The following GALNT13 variants were observed in gnomAD, a reference collection of about 807,000 sequenced individuals.
GALNT13 encodes the protein UDP-GalNAc:polypeptide N-acetylgalactosaminyltransferase 13.
Under a neutral mutation model 64.2 loss-of-function variants are expected in GALNT13, and 28 were observed. The observed-to-expected ratio is 0.44, with a 90% CI of 0.32 to 0.60. The LOEUF (loss-of-function observed/expected upper bound fraction) is 0.60, where lower values mean the gene tolerates loss of function less well. Ranked by LOEUF, GALNT13 falls within the 20% of genes least tolerant of loss-of-function variation. The pLI is 0.05. For missense variants in GALNT13, 577 were observed against 669.8 expected (o/e 0.86, Z 1.53); for synonymous variants, 214 against 224.6 (o/e 0.95, Z 0.42).
chr2:154,287,309 G>A, intron 8 of GALNT13: 2 of 655,064 alleles, frequency 3.1e-6, no homozygotes, highest in Admixed American at 2.0e-5. Flanking sequence ...GGCGGGGACA[G>A]TCTGATTGAG....
the GALNT13 span, among the ~76,000 whole-genome samples, chr2:153,858,061 A>T: frequency 2.4e-3 from 365 of 152,336 alleles, 3 homozygotes; most frequent in Non-Finnish European, 4.5e-3. Context: ...ATAACCACGG[A>T]GGAAAATCAA....
the GALNT13 span, among the ~76,000 whole-genome samples, chr2:153,251,202 A>G: frequency 6.6e-6 from 1 of 152,208 alleles, no homozygotes; most frequent in Non-Finnish European, 1.5e-5. Context: ...GTGTAAATGT[A>G]TTACTGGTAT....
the GALNT13 span, among the ~76,000 whole-genome samples, chr2:153,120,620 A>G: frequency 6.4e-4 from 98 of 152,340 alleles, no homozygotes; most frequent in Non-Finnish European, 9.7e-4. Context: ...TTTAGTTGGA[A>G]TTTTACTGCC....
At position 154,453,533 on chromosome 2, in the gene GALNT13, C is replaced by A. The variant is rs1701953264; in HGVS notation, c.*2982C>A. The A allele has an allele frequency of 6.6e-6, 1 of 152,074 alleles. No homozygotes were observed. The highest frequency in any genetic ancestry group is 2.4e-5 in the African/African-American group (1 of 41,414). 9.4% of individuals were successfully genotyped at this position (152,074 alleles called of 1,614,324 possible). On this transcript the variant is annotated 3_prime_UTR_variant, in exon 13 of 13. Transcript: ENST00000392825. ...TTCAAATATTATCTTATCAGTAAGA[C>A]AAACCCTTCTCCCATCTGCCTTCCC... is the stretch of plus-strand genomic sequence containing the variant.
chr2:154,390,231 AT>A (rs1269802653), intron 9 of GALNT13, among the ~76,000 whole-genome samples: 1 of 152,242 alleles, frequency 6.6e-6, no homozygotes, highest in South Asian at 2.1e-4. Flanking sequence ...TAAAAGACAG[AT>A]TTTTTTATAC....
the GALNT13 span, among the ~76,000 whole-genome samples, chr2:153,171,486 A>C: frequency 2.6e-5 from 4 of 152,250 alleles, no homozygotes; most frequent in Non-Finnish European, 5.9e-5. Context: ...ACAAAAAAAA[A>C]GTGACAAGTG....
At chr2:153,081,204 C>CTA in the GALNT13 span, among the ~76,000 whole-genome samples, 1 of 151,630 alleles carries the variant, frequency 6.6e-6, no homozygotes, top group Admixed American at 6.6e-5. Context: ...ATCTCCTTTT[C>CTA]TATTATTTAC....
At chr2:154,104,284 G>C (rs1358975259) in intron 3 of GALNT13, among the ~76,000 whole-genome samples, 1 of 152,114 alleles carries the variant, frequency 6.6e-6, no homozygotes, top group Non-Finnish European at 1.5e-5. Context: ...TCTTCAGTCA[G>C]TCCAAAACAG....
At chr2:154,330,385 C>T (rs900009901) in intron 9 of GALNT13, among the ~76,000 whole-genome samples, 2 of 152,082 alleles carry the variant, frequency 1.3e-5, no homozygotes, top group Admixed American at 6.6e-5. Flanking sequence ...AGCCAGGGAA[C>T]GAGAGAACCA....
At chr2:154,417,509 A>ATTTTTTTT (rs1202687837) in intron 11 of GALNT13, among the ~76,000 whole-genome samples, 41 of 133,472 alleles carry the variant, frequency 3.1e-4, no homozygotes, top group East Asian at 7.2e-4. Context: ...TTATTTATTT[A>ATTTTTTTT]TTTATTTATT....
At chr2:154,221,402 T>G (rs1313770896) in intron 4 of GALNT13, among the ~76,000 whole-genome samples, 2 of 152,116 alleles carry the variant, frequency 1.3e-5, no homozygotes, top group Non-Finnish European at 2.9e-5. Flanking sequence ...AATAACTCCT[T>G]GACTTAGTAA....
At chr2:153,602,456 AC>A in the GALNT13 span, among the ~76,000 whole-genome samples, 1 of 151,402 alleles carries the variant, frequency 6.6e-6, no homozygotes, top group African/African-American at 2.4e-5. Flanking sequence ...TAACTAGGAG[AC>A]CATATAATAC....
At chr2:153,507,983 C>T in the GALNT13 span, among the ~76,000 whole-genome samples, 4 of 152,076 alleles carry the variant, frequency 2.6e-5, no homozygotes, top group South Asian at 2.1e-4. Flanking sequence ...GCTCTGGGTT[C>T]GTACTGGGGA....
At chr2:153,689,318 C>G in the GALNT13 span, among the ~76,000 whole-genome samples, 1 of 151,908 alleles carries the variant, frequency 6.6e-6, no homozygotes, top group African/African-American at 2.4e-5. Context: ...TTGTCATATA[C>G]TAGGCTATTT....
the GALNT13 span, among the ~76,000 whole-genome samples, chr2:153,665,136 G>A: frequency 6.6e-6 from 1 of 152,144 alleles, no homozygotes; most frequent in South Asian, 2.1e-4. Context: ...CACTTTCAAT[G>A]GGGACTAAGA....
the GALNT13 span, among the ~76,000 whole-genome samples, chr2:153,435,309 A>G: frequency 2.4e-4 from 36 of 152,118 alleles, no homozygotes; most frequent in Admixed American, 3.9e-4. Context: ...TTGGCGATGC[A>G]GGCTCTTTTT....
intron 3 of GALNT13, among the ~76,000 whole-genome samples, chr2:154,091,230 A>G (rs1701791034): frequency 6.6e-6 from 1 of 152,012 alleles, no homozygotes; most frequent in African/African-American, 2.4e-5. Flanking sequence ...GGATTATGTT[A>G]TGTTGTAAAA....
At chr2:153,467,448 C>T in the GALNT13 span, among the ~76,000 whole-genome samples, 4,348 of 152,136 alleles carry the variant, frequency 0.029, 92 homozygotes, top group Middle Eastern at 0.071. Flanking sequence ...TCCTTACTGT[C>T]CATCCTTCAC....
At chr2:153,505,124 A>G in the GALNT13 span, among the ~76,000 whole-genome samples, 1 of 152,174 alleles carries the variant, frequency 6.6e-6, no homozygotes, top group Admixed American at 6.5e-5. Context: ...GTATATTTCC[A>G]GGAATCTGTC....
Sources: allele counts gnomAD v4.1 joint callset (sites outside exome capture counted in the v4.1 genomes callset), GRCh38; gene constraint gnomAD v4.1.1; transcripts MANE v1.5; gene names NCBI Gene and HGNC (gene_info 2026-07-23, HGNC 2026-07-21).